The following FRMPD4 variants were observed in gnomAD, a reference collection of about 807,000 sequenced individuals.
FRMPD4 encodes FERM and PDZ domain-containing protein 4.
Under a neutral mutation model 94.1 loss-of-function variants are expected in FRMPD4, and 22 were observed. The ratio of observed to expected loss-of-function variants is 0.23; its 90% CI spans 0.17 to 0.33. The LOEUF (loss-of-function observed/expected upper bound fraction) is 0.33, where lower values mean the gene tolerates loss of function less well. Among genes scored for constraint, FRMPD4 ranks in the 10% least tolerant of loss-of-function variants. The probability of loss-of-function intolerance (pLI) is 1.00; values close to 1 mark genes in which losing one functional copy is unlikely to be tolerated. For synonymous variants in FRMPD4, 631 were observed against 548.6 expected, an observed-to-expected ratio of 1.15 and a Z score of -2.10; for missense variants, 1,111 against 1,339.9, an observed-to-expected ratio of 0.83 and a Z score of 2.67.
chrX:12,381,177 C>CA (rs1338667284), intron 1 of FRMPD4, among the ~76,000 whole-genome samples: 2 of 111,923 alleles, frequency 1.8e-5, no homozygotes, highest in Non-Finnish European at 1.9e-5. Context: ...CTGTGGGCTG[C>CA]AAAAAACTGG....
intron 1 of FRMPD4, among the ~76,000 whole-genome samples, chrX:12,359,220 C>T (rs1045377926): frequency 3.6e-5 from 4 of 111,271 alleles, no homozygotes; most frequent in African/African-American, 1.3e-4. Flanking sequence ...GGGCATAGTC[C>T]CCATTTAACT....
intron 3 of FRMPD4, among the ~76,000 whole-genome samples, chrX:11,993,921 A>G (rs762070280): frequency 3.6e-5 from 4 of 111,855 alleles, no homozygotes; most frequent in Non-Finnish European, 7.5e-5. Flanking sequence ...TGTGATGAAC[A>G]GGTTTCCTGA....
intron 1 of FRMPD4, among the ~76,000 whole-genome samples, chrX:11,845,282 G>A (rs2053567845): frequency 8.9e-6 from 1 of 111,747 alleles, no homozygotes; most frequent in African/African-American, 3.3e-5. Context: ...ATAAACATGT[G>A]ACAGAAAGGT....
intron 1 of FRMPD4, among the ~76,000 whole-genome samples, chrX:12,251,829 G>A (rs1174056336): frequency 8.9e-6 from 1 of 111,836 alleles, no homozygotes; most frequent in African/African-American, 3.3e-5. Flanking sequence ...AGAAGGTCTA[G>A]ACTCAGAGAA....
At chrX:12,525,862 T>C (rs7053003) in intron 2 of FRMPD4, among the ~76,000 whole-genome samples, 3,411 of 111,845 alleles carry the variant, frequency 0.03, 138 homozygotes, top group African/African-American at 0.1. Flanking sequence ...TTTTGATTTG[T>C]ATTTCCCCTG....
intron 3 of FRMPD4, among the ~76,000 whole-genome samples, chrX:11,916,116 TGGATGG>T (rs1027992407): frequency 9.3e-6 from 1 of 107,855 alleles, no homozygotes; most frequent in African/African-American, 3.4e-5. Context: ...AGAAGGGAAG[TGGATGG>T]GGAGGGGGAG....
chrX:12,198,240 A>G (rs778877838), intron 1 of FRMPD4, among the ~76,000 whole-genome samples: 5 of 111,766 alleles, frequency 4.5e-5, no homozygotes, highest in Non-Finnish European at 3.8e-5. Flanking sequence ...ATCTTGATTC[A>G]CTGTTTTTAA....
At position 12,506,436 on chromosome X, in the gene FRMPD4, A is replaced by C. The variant is rs372622830; in HGVS notation, c.158+7640A>C. ...CCTGAGTAGCTGGGATTACAGGTGC[A>C]CGCCACCACACCCAGCTAATTTTTG... On this transcript the variant is annotated intron_variant, in intron 2 of 16. Coordinates refer to ENST00000675598, the MANE Select transcript of FRMPD4 (RefSeq NM_001368397.1). 2.3e-4 allele frequency among the ~76,000 whole-genome samples: 26 copies of C among 110,686 alleles called. No homozygotes were observed. The East Asian group carries it at 6.8e-3, about 29-fold the overall frequency.
At chrX:12,433,142 C>T (rs1419409836) in intron 1 of FRMPD4, among the ~76,000 whole-genome samples, 1 of 112,169 alleles carries the variant, frequency 8.9e-6, no homozygotes, top group Non-Finnish European at 1.9e-5. Flanking sequence ...CTTTCAGGAG[C>T]AGAGAAGTGG....
intron 1 of FRMPD4, among the ~76,000 whole-genome samples, chrX:11,857,820 T>C (rs913016953): frequency 2.7e-5 from 3 of 112,369 alleles, no homozygotes; most frequent in Non-Finnish European, 5.6e-5. Context: ...TTGACGAAGG[T>C]TTAATATCCA....
intron 3 of FRMPD4, among the ~76,000 whole-genome samples, chrX:11,918,945 C>T: frequency 8.9e-6 from 1 of 112,651 alleles, no homozygotes; most frequent in Non-Finnish European, 1.9e-5. Flanking sequence ...GGTTTCTTCC[C>T]ATCCATGTAG....
At chrX:12,229,498 C>T (rs779253883) in intron 1 of FRMPD4, among the ~76,000 whole-genome samples, 53 of 111,895 alleles carry the variant, frequency 4.7e-4, no homozygotes, top group Non-Finnish European at 8.5e-4. Flanking sequence ...TTCCCTTCTG[C>T]ACATTTGAAA....
intron 1 of FRMPD4, among the ~76,000 whole-genome samples, chrX:12,176,623 A>G (rs1302017416): frequency 8.9e-6 from 1 of 112,578 alleles, no homozygotes; most frequent in Non-Finnish European, 1.9e-5. Flanking sequence ...TTATTTTAGG[A>G]CAATGATTAA....
Position 12,262,343 on chromosome X carries a change from A to G in FRMPD4, c.41+123331A>G, listed in dbSNP as rs369390034. Among the ~76,000 whole-genome samples, 29 of 111,871 alleles carry G rather than the reference A, an allele frequency of 2.6e-4. No homozygotes were observed. In the East Asian group the frequency reaches 2.8e-3, roughly 11 times the overall value. ...TTGCCCAGGCTTGAACTCCTGGCCTAAAGTGATCCTCCTGCCTCGGTCTCC... is the reference window on the plus strand; with the variant it reads ...TTGCCCAGGCTTGAACTCCTGGCCTGAAGTGATCCTCCTGCCTCGGTCTCC... On this transcript the variant is annotated intron_variant, in intron 1 of 16. Transcript: ENST00000675598.
intron 1 of FRMPD4, among the ~76,000 whole-genome samples, chrX:12,348,420 G>A (rs1012153064): frequency 1.8e-5 from 2 of 111,112 alleles, no homozygotes; most frequent in Non-Finnish European, 1.9e-5. Context: ...CATTTCTCAT[G>A]CTAGAAGAGA....
At chrX:12,413,054 C>T (rs746331658) in intron 1 of FRMPD4, among the ~76,000 whole-genome samples, 95 of 111,042 alleles carry the variant, frequency 8.6e-4, no homozygotes, top group Non-Finnish European at 1.5e-3. Flanking sequence ...GCCCTGGCCA[C>T]ATTTCTAGGG....
In FRMPD4 at chrX:12,159,573, A is replaced by G. The variant is rs376717231; in HGVS notation, c.41+20561A>G. ...CTCTAGGCTTCTGCAATATGTCTCC[A>G]TGTTCTATATTCTTTTATAGAAGTC... On this transcript the variant is annotated intron_variant, in intron 1 of 16. Coordinates refer to ENST00000675598, the MANE Select transcript of FRMPD4 (RefSeq NM_001368397.1). 2.6e-4 allele frequency among the ~76,000 whole-genome samples: 29 copies of G among 112,094 alleles called. No individual in the cohort carries two copies. The South Asian group carries it at 0.011, about 42-fold the overall frequency.
chrX:12,352,852 TGTTA>T (rs1051234193), intron 1 of FRMPD4, among the ~76,000 whole-genome samples: 14 of 112,353 alleles, frequency 1.2e-4, no homozygotes, highest in Middle Eastern at 4.6e-3. Context: ...GACATGCCTG[TGTTA>T]GTTAGTTTGT....
At chrX:12,411,066 C>A (rs960141404) in intron 1 of FRMPD4, among the ~76,000 whole-genome samples, 1 of 111,765 alleles carries the variant, frequency 8.9e-6, no homozygotes, top group African/African-American at 3.3e-5. Context: ...GTTGTTCATA[C>A]AACTGTTCAA....
Sources: allele counts gnomAD v4.1 joint callset (sites outside exome capture counted in the v4.1 genomes callset), GRCh38; gene constraint gnomAD v4.1.1; transcripts MANE v1.5; gene names NCBI Gene and HGNC (gene_info 2026-07-23, HGNC 2026-07-21).